Variants in AGRN observed in about 807,000 individuals in gnomAD.
The protein encoded by AGRN is agrin, also known as agrin proteoglycan.
Under a neutral mutation model 211.0 loss-of-function variants are expected in AGRN, and 106 were observed. The observed-to-expected ratio is 0.50, with a 90% confidence interval of 0.43 to 0.59. The LOEUF (loss-of-function observed/expected upper bound fraction) is 0.59. Ranked by LOEUF, AGRN falls within the 20% of genes least tolerant of loss-of-function variation. The probability of loss-of-function intolerance (pLI) is 0.00; values close to 1 mark genes in which losing one functional copy is unlikely to be tolerated. For synonymous variants in AGRN, 1,525 were observed against 1,332.5 expected (o/e 1.14, Z -3.15); for missense variants, 3,040 against 2,982.6 (o/e 1.02, Z -0.45).
chr1:1,041,463 G>A lies in AGRN; in HGVS notation c.953-15G>A. Reference sequence around the variant, plus strand: ...GCGCGGCGACAGCGTCCTGACTCCTGCCCTCGACCCCCAGACCCCTGTCAG... The same window carrying A: ...GCGCGGCGACAGCGTCCTGACTCCTACCCTCGACCCCCAGACCCCTGTCAG... On this transcript the variant is annotated splice_polypyrimidine_tract_variant and intron_variant, in intron 5 of 35. Transcript: ENST00000379370. 1 of 1,581,446 alleles carries A rather than the reference G, an allele frequency of 6.3e-7. No individual in the cohort carries two copies. Among genetic ancestry groups the A allele is most frequent in the South Asian group, 1.1e-5 (1 of 88,772 alleles).
rs1281725866 is a variant in AGRN, at chr1:1,031,034, CTG to C, written c.464-4240_464-4239del. ...GCATGTGTGTGTGCAGTGCATGGTGCTGTGAGTGTATCAGCATGTGTGTGTGT... is the reference window on the plus strand; with the variant it reads ...GCATGTGTGTGTGCAGTGCATGGTGCTGAGTGTATCAGCATGTGTGTGTGT... On this transcript the variant is annotated intron_variant, in intron 2 of 35. Transcript: ENST00000379370. This position sits in a 1 kb window ranked among gnomAD's most constrained non-coding sequence, Gnocchi z 4.8. Among the ~76,000 whole-genome samples the C allele has an allele frequency of 3.6e-5, 4 of 109,756 alleles. No homozygotes were observed. Among genetic ancestry groups the C allele is most frequent in the African/African-American group, 1.4e-4 (4 of 28,184 alleles). 72.0% of individuals were successfully genotyped at this position (109,756 alleles called of 152,430 possible).
chr1:1,023,077 G>C (rs1313182288), intron 2 of AGRN, among the ~76,000 whole-genome samples: 1 of 152,208 alleles, frequency 6.6e-6, no homozygotes, highest in Non-Finnish European at 1.5e-5. Context: ...TCGTTGGCTG[G>C]GGAATGTGGC....
rs760176911 is a variant in AGRN, at chr1:1,051,265, G to A, written c.5266G>A (p.Val1756Ile). 27 of 1,581,300 alleles carry A rather than the reference G, an allele frequency of 1.7e-5. No individual in the cohort carries two copies. The highest frequency in any genetic ancestry group is 3.4e-4 in the Middle Eastern group (2 of 5,904). Reference protein sequence around the residue: ...VLGESPVPHTVLNLKEPLYVG... With the variant: ...VLGESPVPHTILNLKEPLYVG... ...GGCGTCCCCGCAGGTTCCGCACACC[G>A]TCCTCAACCTGAAGGAGCCGCTCTA... Residue 1756 changes from valine (V) to isoleucine (I), a missense_variant, in exon 31 of 36, where the codon GTC (valine) becomes ATC (isoleucine). This residue lies in a region of AGRN where 1,537 missense variants were observed against 1,505.0 expected (regional missense o/e 1.02). Coordinates refer to ENST00000379370, the MANE Select transcript of AGRN (RefSeq NM_198576.4).
chr1:1,053,936 G>C lies in AGRN; in HGVS notation c.5835G>C (p.Val1945=), dbSNP rs1645382494. 4 of 1,604,594 alleles carry C rather than the reference G, an allele frequency of 2.5e-6. No individual in the cohort carries two copies. The highest frequency in any genetic ancestry group is 2.2e-5 in the East Asian group (1 of 44,516). ...GSQPVVLRST[V]PVNTNRWLRV... is the part of the protein sequence containing the mutation. ...AGCCCGTGGTGCTGCGTTCCACCGT[G>C]CCCGTCAACACCAACCGCTGGTTGC... Residue 1945 remains valine (V), a synonymous_variant, in exon 34 of 36, where the codon GTG becomes GTC. Coordinates refer to ENST00000379370, the MANE Select transcript of AGRN (RefSeq NM_198576.4).
intron 24 of AGRN, 66 bp downstream of exon 24, chr1:1,049,125 G>T: frequency 1.2e-6 from 1 of 803,590 alleles, no homozygotes; most frequent in Non-Finnish European, 1.7e-6. Flanking sequence ...CGGGGGAGGG[G>T]GGGCCGGGGC....
In AGRN at chr1:1,045,858, C is replaced by T. The variant is rs560184470; in HGVS notation, c.2662C>T (p.Pro888Ser). ...GTGTCCAGACGGCCGTGCCCTGGGCCCCGCGGGCTGTGAAGCTGGTGAGTG... is the reference window on the plus strand; with the variant it reads ...GTGTCCAGACGGCCGTGCCCTGGGCTCCGCGGGCTGTGAAGCTGGTGAGTG... Reference protein sequence around the residue: ...GQCPDGRALGPAGCEADASAP... With the variant: ...GQCPDGRALGSAGCEADASAP... The change falls in exon 15 of 36, where the codon CCC becomes TCC. Residue 888 changes from proline to serine, a missense_variant. Pro to Ser is a moderately conservative substitution (Grantham distance 74, BLOSUM62 -1). Transcript: ENST00000379370. 17 of 1,611,166 alleles carry T rather than the reference C, an allele frequency of 1.1e-5. No individual in the cohort carries two copies. The Admixed American group carries it at 2.7e-4, about 25-fold the overall frequency.
At chr1:1,024,983 G>A (rs931610759) in intron 2 of AGRN, among the ~76,000 whole-genome samples, 5 of 152,056 alleles carry the variant, frequency 3.3e-5, no homozygotes, top group East Asian at 3.9e-4. Context: ...CGACTCCTCC[G>A]GCCCTCGCCA....
chr1:1,043,491 G>C (rs1247538468), intron 8 of AGRN, 34 bp downstream of exon 8: 21 of 1,601,114 alleles, frequency 1.3e-5, no homozygotes, highest in Non-Finnish European at 1.8e-5. Flanking sequence ...GTGGGGGTCG[G>C]GGAGAGAGAG....
At position 1,045,834 on chromosome 1, in the gene AGRN, T is replaced by C. The variant is rs995703334; in HGVS notation, c.2638T>C (p.Cys880Arg). ...GGTGGCTGGACCCAAGTGTGGGCAG[T>C]GTCCAGACGGCCGTGCCCTGGGCCC... Reference protein sequence around the residue: ...PGVAGPKCGQCPDGRALGPAG... With the variant: ...PGVAGPKCGQRPDGRALGPAG... The change falls in exon 15 of 36, where the codon TGT (cysteine) becomes CGT (arginine). Residue 880 changes from cysteine to arginine, a missense_variant. Cys to Arg is a radical substitution (Grantham distance 180). This residue lies in a region of AGRN where 1,498 missense variants were observed against 1,457.8 expected (regional missense o/e 1.03). Coordinates refer to ENST00000379370, the MANE Select transcript of AGRN (RefSeq NM_198576.4). 1 of 1,612,202 alleles carries C rather than the reference T, an allele frequency of 6.2e-7. No individual in the cohort carries two copies. Among genetic ancestry groups the C allele is most frequent in the African/African-American group, 1.3e-5 (1 of 74,860 alleles).
At chr1:1,052,012 C>G in intron 33 of AGRN, 197 bp downstream of exon 33, 3 of 1,535,686 alleles carry the variant, frequency 2.0e-6, no homozygotes, top group Non-Finnish European at 2.6e-6. Flanking sequence ...CAATGAGATC[C>G]CCGTGTGAGT....
Position 1,030,101 on chromosome 1 carries a change from A to ATG in AGRN, c.464-5161_464-5160dup, listed in dbSNP as rs1270260680. Among the ~76,000 whole-genome samples, 92 of 16,828 alleles carry ATG rather than the reference A, an allele frequency of 5.5e-3. 12 individuals carry two copies. Among genetic ancestry groups the ATG allele is most frequent in the Non-Finnish European group, 9.8e-3 (73 of 7,480 alleles). 11.0% of individuals were successfully genotyped at this position (16,828 alleles called of 152,430 possible). ...CAGTGCCTGGTGCTGTGAGATCAGCATGTGTGTGTGTGTGTGCAGTGCATG... is the reference window on the plus strand; with the variant it reads ...CAGTGCCTGGTGCTGTGAGATCAGCATGTGTGTGTGTGTGTGTGCAGTGCATG... On this transcript the variant is annotated intron_variant, in intron 2 of 35. Coordinates refer to ENST00000379370, the MANE Select transcript of AGRN (RefSeq NM_198576.4).
Position 1,041,532 on chromosome 1 carries a change from GCAC to G in AGRN, c.1008_1010del (p.Thr337del). ...AGCCGCAGCTGCCGTGTGAACCCGC[GCAC>G]GCGGCGCCCTGAGATGCTCCTACGG... is the stretch of plus-strand genomic sequence containing the variant. On this transcript the variant is annotated inframe_deletion, in exon 6 of 36. Coordinates refer to ENST00000379370, the MANE Select transcript of AGRN (RefSeq NM_198576.4). The G allele has an allele frequency of 6.2e-7, 1 of 1,604,688 alleles. No individual in the cohort carries two copies. Among genetic ancestry groups the G allele is most frequent in the Non-Finnish European group, 8.5e-7 (1 of 1,179,020 alleles).
intron 19 of AGRN, 143 bp downstream of exon 19, chr1:1,047,100 C>T: frequency 1.4e-6 from 2 of 1,414,522 alleles, no homozygotes; most frequent in Non-Finnish European, 1.9e-6. Context: ...CCGGGGACCC[C>T]ACGCCTAACC....
intron 2 of AGRN, among the ~76,000 whole-genome samples, chr1:1,033,808 GCCCAGC>G (rs1211756171): frequency 4.9e-5 from 7 of 143,336 alleles, no homozygotes; most frequent in South Asian, 4.5e-4. Flanking sequence ...CCGGCCCCGG[GCCCAGC>G]CCCAGCCCCA....
rs1370470031 is a variant in AGRN at position 1,050,053 on chromosome 1, C to T, written c.4879+16C>T. 10 of 1,080,048 alleles carry T rather than the reference C, an allele frequency of 9.3e-6. No individual in the cohort carries two copies. Among genetic ancestry groups the T allele is most frequent in the South Asian group, 6.7e-5 (5 of 75,150 alleles). 66.9% of individuals were successfully genotyped at this position (1,080,048 alleles called of 1,614,324 possible). On this transcript the variant is annotated intron_variant, in intron 27 of 35. Transcript: ENST00000379370. The stretch of plus-strand genomic sequence containing the variant: ...TGCCAGACAGGTCGGGGGCGTGGGG[C>T]TCTCGGGGCAGGGGGGGGGGGGGGG...
At position 1,042,075 on chromosome 1, in the gene AGRN, G is replaced by A. The variant is rs373754480; in HGVS notation, c.1297G>A (p.Gly433Arg). ...GAYRPVCAQD[G>R]RTYDSDCWRQ... Reference sequence around the variant, plus strand: ...CTACAGGCCCGTGTGTGCCCAGGACGGGCGCACGTATGACAGTGATTGCTG... The same window carrying A: ...CTACAGGCCCGTGTGTGCCCAGGACAGGCGCACGTATGACAGTGATTGCTG... The change falls in exon 7 of 36, where the codon GGG becomes AGG. Residue 433 changes from glycine (G) to arginine (R), a missense_variant. Transcript: ENST00000379370. 4.6e-5 allele frequency: 74 copies of A among 1,606,270 alleles called. No individual in the cohort carries two copies. Among genetic ancestry groups the A allele is most frequent in the Admixed American group, 6.7e-5 (4 of 59,944 alleles).
intron 30 of AGRN, 143 bp from the exon 31 acceptor site, chr1:1,051,110 C>A: frequency 1.3e-6 from 2 of 1,540,394 alleles, no homozygotes; most frequent in Admixed American, 2.0e-5. Flanking sequence ...TCCTCCCCCA[C>A]TAAGGACCCT....
chr1:1,044,547 G>A, intron 12 of AGRN, 108 bp downstream of exon 12: 2 of 1,168,716 alleles, frequency 1.7e-6, no homozygotes, highest in East Asian at 5.1e-5. Flanking sequence ...GTGGACGTGT[G>A]TATTGTGTTG....
chr1:1,048,206 A>T lies in AGRN; in HGVS notation c.3946A>T (p.Ser1316Cys). ...TTRRPPTTAP[S>C]RVPGRRPPAP... is the part of the protein sequence containing the mutation. ...ACGTCGGCCCCCCACCACTGCCCCC[A>T]GCCGTGTGCCCGGACGTCGGCCCCC... Residue 1316 changes from serine to cysteine, a missense_variant, in exon 23 of 36, where the codon AGC becomes TGC. Physicochemically the swap from Ser to Cys is moderately radical, Grantham distance 112. Around this residue, in one of 3 missense-constraint regions of AGRN, gnomAD observed 1,537 missense variants for 1,505.0 expected, o/e 1.02. Transcript: ENST00000379370. The surrounding 1 kb of genome is among the most constrained non-coding windows in gnomAD (Gnocchi z 5.9). 1 of 1,557,748 alleles carries T rather than the reference A, an allele frequency of 6.4e-7. No homozygotes were observed. Among genetic ancestry groups the T allele is most frequent in the Non-Finnish European group, 8.7e-7 (1 of 1,153,354 alleles).
Sources: gnomAD v4.1 joint callset for allele counts (sites outside exome capture counted in the v4.1 genomes callset) on GRCh38, gnomAD v4.1.1 for gene constraint, gnomAD v4.1.1 regional missense constraint, Gnocchi (gnomAD v3.1) non-coding constraint, MANE v1.5 for transcripts, NCBI Gene and HGNC (gene_info 2026-07-23, HGNC 2026-07-21) for gene names.